Variants in RNF150 observed in about 807,000 individuals in gnomAD.
The protein encoded by RNF150 is ring finger protein 150.
In RNF150, 24 loss-of-function variants were observed where a neutral mutation model predicts 39.3. The ratio of observed to expected loss-of-function variants is 0.61; its 90% CI spans 0.44 to 0.86. RNF150 has a LOEUF of 0.86. Ranked by LOEUF, RNF150 falls within the 40% of genes least tolerant of loss-of-function variation. The pLI, the probability that RNF150 is intolerant of heterozygous loss-of-function variation, is 0.00. For missense variants in RNF150, 502 were observed against 587.8 expected (o/e 0.85, Z 1.51); for synonymous variants, 255 against 227.3 (o/e 1.12, Z -1.10).
chr4:140,865,455 G>A lies in RNF150; in HGVS notation c.*2806C>T, dbSNP rs1728662812. On this transcript the variant is annotated 3_prime_UTR_variant, in exon 7 of 7. Transcript: ENST00000515673. ...TCATCTGTAGACTACCAGGTCTCCA[G>A]GTCAGTCTCTTCTTTGGGGGAGGTA... 1 of 152,428 alleles carries A rather than the reference G, an allele frequency of 6.6e-6. No homozygotes were observed. Among genetic ancestry groups the A allele is most frequent in the Admixed American group, 6.6e-5 (1 of 15,266 alleles). The allele number at this position is 152,428 out of a possible 1,614,324, so 9.4% of individuals were successfully genotyped here. A position where few individuals can be genotyped will look rare whatever the true frequency, so the allele number is the denominator to read the frequency against.
intron 4 of RNF150, among the ~76,000 whole-genome samples, chr4:140,931,955 A>AT (rs1363625666): frequency 1.3e-5 from 2 of 151,826 alleles, no homozygotes; most frequent in East Asian, 3.9e-4. Context: ...ATTTAATGAC[A>AT]TTTTTTCCCC....
At chr4:141,099,337 TC>T (rs1738919722) in intron 1 of RNF150, among the ~76,000 whole-genome samples, 1 of 152,080 alleles carries the variant, frequency 6.6e-6, no homozygotes, top group Admixed American at 6.5e-5. Flanking sequence ...ATTATTTACC[TC>T]CCGGATCAGA....
chr4:140,930,943 T>G (rs975859002), intron 4 of RNF150, among the ~76,000 whole-genome samples: 46 of 113,528 alleles, frequency 4.1e-4, no homozygotes, highest in South Asian at 2.0e-3. Context: ...TCTGCTGGGG[T>G]TTTTTTTTGT....
chr4:140,868,632 G>A (rs780064427), intron 6 of RNF150, among the ~76,000 whole-genome samples: 9 of 152,074 alleles, frequency 5.9e-5, no homozygotes, highest in Non-Finnish European at 8.8e-5. Context: ...TATATCTACC[G>A]TAAGTTGGGC....
intron 1 of RNF150, among the ~76,000 whole-genome samples, chr4:141,202,438 T>C (rs975465738): frequency 2.6e-5 from 4 of 152,150 alleles, no homozygotes; most frequent in African/African-American, 7.2e-5. Flanking sequence ...AGAATCCCAG[T>C]ATTTTGTTAA....
intron 1 of RNF150, among the ~76,000 whole-genome samples, chr4:141,210,795 G>C (rs1416329839): frequency 1.3e-5 from 2 of 150,666 alleles, no homozygotes; most frequent in African/African-American, 5.0e-5. Context: ...CTGGCTTGAA[G>C]TGTCCAGCTA....
intron 5 of RNF150, among the ~76,000 whole-genome samples, chr4:140,916,232 A>C (rs1360203523): frequency 6.6e-6 from 1 of 152,204 alleles, no homozygotes; most frequent in African/African-American, 2.4e-5. Context: ...AGGCTTCAGA[A>C]GATCAAACTA....
chr4:140,900,640 C>G (rs947807622), intron 6 of RNF150, among the ~76,000 whole-genome samples: 2 of 152,166 alleles, frequency 1.3e-5, no homozygotes, highest in Non-Finnish European at 2.9e-5. Context: ...GGCCTCGACA[C>G]TACATCTTGG....
intron 1 of RNF150, among the ~76,000 whole-genome samples, chr4:141,200,865 A>G (rs73849860): frequency 0.033 from 5,075 of 152,234 alleles, 295 homozygotes; most frequent in African/African-American, 0.11. Context: ...ACCCTCAAAT[A>G]AGTTGAAAAA....
At chr4:141,150,768 G>A (rs1214017111) in intron 1 of RNF150, among the ~76,000 whole-genome samples, 1 of 152,092 alleles carries the variant, frequency 6.6e-6, no homozygotes, top group African/African-American at 2.4e-5. Context: ...AATCTTAAGA[G>A]GGCAGGAATT....
At chr4:140,906,522 T>C (rs934845525) in intron 6 of RNF150, among the ~76,000 whole-genome samples, 2 of 152,156 alleles carry the variant, frequency 1.3e-5, no homozygotes, top group South Asian at 2.1e-4. Flanking sequence ...AAATTCCCTG[T>C]GGGTATCAAG....
intron 1 of RNF150, among the ~76,000 whole-genome samples, chr4:141,165,781 G>A (rs1211501276): frequency 1.3e-5 from 2 of 151,940 alleles, no homozygotes; most frequent in Admixed American, 6.6e-5. Context: ...CCAGAATCTC[G>A]GGGGCACAAC....
intron 1 of RNF150, among the ~76,000 whole-genome samples, chr4:141,025,363 A>G (rs1464128881): frequency 6.6e-6 from 1 of 152,156 alleles, no homozygotes; most frequent in African/African-American, 2.4e-5. Flanking sequence ...AGAGAAGATT[A>G]CCGAGCAGGA....
intron 1 of RNF150, among the ~76,000 whole-genome samples, chr4:141,119,677 A>G (rs1200475564): frequency 6.6e-6 from 1 of 152,168 alleles, no homozygotes; most frequent in East Asian, 1.9e-4. Context: ...GATCTCAGAA[A>G]AATAACAACT....
rs187421684 is a variant in RNF150 at position 140,868,144 on chromosome 4, C to T, written c.*117G>A. On this transcript the variant is annotated 3_prime_UTR_variant, in exon 7 of 7. Transcript: ENST00000515673. ...TTTTCGTCAGCATTCTTGAACGGAG[C>T]GCCCTGGAGTTGCCAAGGTGATCTG... The T allele has an allele frequency of 9.8e-5, 65 of 664,266 alleles. No individual in the cohort carries two copies. The highest frequency in any genetic ancestry group is 2.1e-4 in the Admixed American group (9 of 41,964). The allele number at this position is 664,266 out of a possible 1,614,324, so 41.1% of individuals were successfully genotyped here. A position where few individuals can be genotyped will look rare whatever the true frequency, so the allele number is the denominator to read the frequency against.
intron 1 of RNF150, among the ~76,000 whole-genome samples, chr4:141,152,422 T>G (rs1316896143): frequency 6.6e-6 from 1 of 152,224 alleles, no homozygotes; most frequent in Non-Finnish European, 1.5e-5. Context: ...ATATGAACTA[T>G]CTGAATATTA....
At chr4:141,051,594 C>T (rs1560710687) in intron 1 of RNF150, among the ~76,000 whole-genome samples, 1 of 152,194 alleles carries the variant, frequency 6.6e-6, no homozygotes, top group Non-Finnish European at 1.5e-5. Flanking sequence ...TGCTGCCAGT[C>T]TCTTTGCTAA....
At chr4:140,994,677 T>C (rs1300646732) in intron 1 of RNF150, among the ~76,000 whole-genome samples, 1 of 152,198 alleles carries the variant, frequency 6.6e-6, no homozygotes, top group Non-Finnish European at 1.5e-5. Flanking sequence ...GTTTTACACA[T>C]TCCCTGAGCA....
At chr4:141,199,972 A>G (rs1369815534) in intron 1 of RNF150, among the ~76,000 whole-genome samples, 6 of 152,220 alleles carry the variant, frequency 3.9e-5, no homozygotes, top group Non-Finnish European at 7.3e-5. Context: ...ATATATGTGC[A>G]TATATACATA....
Sources: gnomAD v4.1 joint callset for allele counts (sites outside exome capture counted in the v4.1 genomes callset) on GRCh38, gnomAD v4.1.1 for gene constraint, MANE v1.5 for transcripts, NCBI Gene and HGNC (gene_info 2026-07-23, HGNC 2026-07-21) for gene names.